Variants in PCDH9 observed in about 807,000 individuals in gnomAD.
PCDH9 encodes protocadherin-9.
A neutral mutation model predicts 70.6 loss-of-function variants in PCDH9; 24 were observed. The observed-to-expected ratio is 0.34, with a 90% CI of 0.25 to 0.48. The LOEUF (loss-of-function observed/expected upper bound fraction) is 0.48, where lower values mean the gene tolerates loss of function less well. PCDH9 is among the 20% of genes least tolerant of loss of function. The pLI is 0.99. For synonymous variants in PCDH9, 562 were observed against 558.5 expected (o/e 1.01, Z -0.09); for missense variants, 1,281 against 1,503.6 (o/e 0.85, Z 2.45).
chr13:66,418,447 G>A (rs1246215511), intron 4 of PCDH9, among the ~76,000 whole-genome samples: 1 of 152,114 alleles, frequency 6.6e-6, no homozygotes, highest in Non-Finnish European at 1.5e-5. Flanking sequence ...GATGCCTCCA[G>A]CTTTATTCTT....
chr13:66,971,508 C>G (rs1451873471), intron 2 of PCDH9, among the ~76,000 whole-genome samples: 1 of 151,960 alleles, frequency 6.6e-6, no homozygotes, highest in African/African-American at 2.4e-5. Flanking sequence ...TGAAAAGGAA[C>G]CACAATATAA....
At chr13:66,524,083 G>A (rs762831674) in intron 4 of PCDH9, among the ~76,000 whole-genome samples, 1 of 151,912 alleles carries the variant, frequency 6.6e-6, no homozygotes, top group Non-Finnish European at 1.5e-5. Flanking sequence ...GTGGGAATGG[G>A]CTTTAATGAG....
At chr13:66,771,682 A>G (rs1288941438) in intron 3 of PCDH9, among the ~76,000 whole-genome samples, 1 of 152,130 alleles carries the variant, frequency 6.6e-6, no homozygotes, top group African/African-American at 2.4e-5. Flanking sequence ...TGTGCAGTCA[A>G]CTCGAACTAG....
chr13:66,309,457 G>A (rs965534465), intron 4 of PCDH9, among the ~76,000 whole-genome samples: 3 of 151,854 alleles, frequency 2.0e-5, no homozygotes, highest in Non-Finnish European at 4.4e-5. Flanking sequence ...ATTTTTAGAA[G>A]TACTGACTGA....
chr13:66,902,204 T>A (rs2082287092), intron 3 of PCDH9, among the ~76,000 whole-genome samples: 1 of 151,366 alleles, frequency 6.6e-6, no homozygotes, highest in Non-Finnish European at 1.5e-5. Flanking sequence ...GAAAGAAAAA[T>A]ATAAAAAAGT....
intron 3 of PCDH9, among the ~76,000 whole-genome samples, chr13:66,651,774 G>A (rs1455600510): frequency 6.6e-6 from 1 of 151,902 alleles, no homozygotes; most frequent in Non-Finnish European, 1.5e-5. Context: ...CAAAATGCTA[G>A]CAAATCAAGT....
At chr13:67,214,894 A>G (rs1241370867) in intron 2 of PCDH9, 1 of 135,330 alleles carries the variant, frequency 7.4e-6, no homozygotes, top group East Asian at 2.3e-4. Flanking sequence ...GGAGGTAGAA[A>G]AACAGGTAAC....
intron 4 of PCDH9, among the ~76,000 whole-genome samples, chr13:66,534,793 A>G (rs1158826904): frequency 6.6e-6 from 1 of 152,132 alleles, no homozygotes; most frequent in Non-Finnish European, 1.5e-5. Context: ...ATCAAGGCCG[A>G]CAACCTTTTC....
chr13:66,636,403 C>T (rs1037948481), intron 3 of PCDH9, among the ~76,000 whole-genome samples: 10 of 152,136 alleles, frequency 6.6e-5, no homozygotes, highest in Middle Eastern at 3.4e-3. Flanking sequence ...ACTTTCTTTA[C>T]GTAGTTTTTT....
intron 2 of PCDH9, among the ~76,000 whole-genome samples, chr13:67,040,902 A>G (rs544378560): frequency 6.6e-5 from 10 of 152,298 alleles, no homozygotes; most frequent in African/African-American, 1.9e-4. Context: ...AAACACAATC[A>G]GGGTTTTATT....
At chr13:66,851,697 G>C (rs1324937509) in intron 3 of PCDH9, among the ~76,000 whole-genome samples, 1 of 152,080 alleles carries the variant, frequency 6.6e-6, no homozygotes, top group Admixed American at 6.6e-5. Context: ...ATAACTTACT[G>C]TAGACTTGGG....
intron 4 of PCDH9, among the ~76,000 whole-genome samples, chr13:66,559,113 T>C (rs1961875798): frequency 6.6e-6 from 1 of 152,118 alleles, no homozygotes; most frequent in East Asian, 1.9e-4. Flanking sequence ...TTAGCAAGAA[T>C]TACCTTCAAT....
chr13:67,136,903 T>A (rs1766333464), intron 2 of PCDH9, among the ~76,000 whole-genome samples: 1 of 152,044 alleles, frequency 6.6e-6, no homozygotes, highest in Non-Finnish European at 1.5e-5. Context: ...GTGGCTCTAG[T>A]TTCTCTGTGT....
intron 4 of PCDH9, among the ~76,000 whole-genome samples, chr13:66,491,194 T>C (rs530108217): frequency 1.3e-5 from 2 of 152,314 alleles, no homozygotes; most frequent in South Asian, 4.1e-4. Context: ...TTCAGATATA[T>C]GGATTGTGTT....
chr13:66,712,769 A>G (rs759986772), intron 3 of PCDH9, among the ~76,000 whole-genome samples: 3 of 152,150 alleles, frequency 2.0e-5, no homozygotes, highest in Non-Finnish European at 4.4e-5. Flanking sequence ...CTAGTACATT[A>G]TAACAATATT....
intron 4 of PCDH9, among the ~76,000 whole-genome samples, chr13:66,332,386 A>G (rs995745740): frequency 2.0e-5 from 3 of 151,250 alleles, no homozygotes; most frequent in African/African-American, 7.3e-5. Context: ...AATGTTACCA[A>G]GCCCTTTCAT....
intron 2 of PCDH9, among the ~76,000 whole-genome samples, chr13:67,196,263 T>C (rs1200784134): frequency 6.6e-6 from 1 of 152,060 alleles, no homozygotes; most frequent in East Asian, 1.9e-4. Flanking sequence ...GTAGCGCTAA[T>C]AGGGATATGA....
At chr13:66,648,675 C>T (rs535980696) in intron 3 of PCDH9, among the ~76,000 whole-genome samples, 1 of 152,180 alleles carries the variant, frequency 6.6e-6, no homozygotes, top group African/African-American at 2.4e-5. Context: ...GACCAACAAA[C>T]ATTCTCAAGT....
chr13:66,318,379 G>A (rs1955692286), intron 4 of PCDH9, among the ~76,000 whole-genome samples: 1 of 152,044 alleles, frequency 6.6e-6, no homozygotes, highest in African/African-American at 2.4e-5. Context: ...GTAGTGTGAC[G>A]AGCAGTCCCA....
Sources: allele counts gnomAD v4.1 joint callset (sites outside exome capture counted in the v4.1 genomes callset), GRCh38; gene constraint gnomAD v4.1.1; transcripts MANE v1.5; gene names NCBI Gene and HGNC (gene_info 2026-07-23, HGNC 2026-07-21).